The following PIR variants were observed in gnomAD, a reference collection of about 807,000 sequenced individuals.
The protein encoded by PIR is pirin.
A neutral mutation model predicts 24.2 loss-of-function variants in PIR; 22 were observed. The observed-to-expected ratio is 0.91, with a 90% CI of 0.65 to 1.30. The LOEUF (loss-of-function observed/expected upper bound fraction) is 1.30, where lower values mean the gene tolerates loss of function less well. PIR is among the 50% of genes most tolerant of loss of function. The pLI is 0.00. For missense variants in PIR, 220 were observed against 220.3 expected (o/e 1.00, Z 0.01); for synonymous variants, 80 against 79.6 (o/e 1.00, Z -0.03).
chrX:15,462,323 A>T (rs984782924), intron 3 of PIR, among the ~76,000 whole-genome samples: 1 of 112,417 alleles, frequency 8.9e-6, no homozygotes, highest in Non-Finnish European at 1.9e-5. Flanking sequence ...GTGTGTCAGG[A>T]CATGGGCTCT....
intron 6 of PIR, among the ~76,000 whole-genome samples, chrX:15,417,818 C>CT (rs1344510789): frequency 9.0e-6 from 1 of 111,647 alleles, no homozygotes; most frequent in African/African-American, 3.3e-5. Context: ...TTCTCTCACT[C>CT]TGACTCCCTG....
intron 7 of PIR, among the ~76,000 whole-genome samples, chrX:15,403,895 G>T (rs1178657111): frequency 9.0e-6 from 1 of 111,577 alleles, no homozygotes; most frequent in African/African-American, 3.3e-5. Context: ...TTTTTCTTCA[G>T]GGTGTCATTA....
chrX:15,415,776 TA>T (rs1426453261), intron 6 of PIR, among the ~76,000 whole-genome samples: 27 of 110,919 alleles, frequency 2.4e-4, no homozygotes, highest in African/African-American at 6.2e-4. Context: ...AAAAAACAAT[TA>T]AAAAAACCAT....
At chrX:15,472,843 C>A (rs1449255154) in intron 3 of PIR, among the ~76,000 whole-genome samples, 1 of 112,039 alleles carries the variant, frequency 8.9e-6, no homozygotes, top group Non-Finnish European at 1.9e-5. Context: ...CTTTAAACAC[C>A]ATCTTCTTTG....
chrX:15,459,207 A>G (rs1355184107), intron 4 of PIR, among the ~76,000 whole-genome samples: 1 of 111,724 alleles, frequency 9.0e-6, no homozygotes, highest in Non-Finnish European at 1.9e-5. Context: ...TAAATAATAC[A>G]TTGTCTCAAA....
chrX:15,440,915 T>C (rs1925894057), intron 5 of PIR, among the ~76,000 whole-genome samples: 3 of 111,865 alleles, frequency 2.7e-5, no homozygotes, highest in South Asian at 3.8e-4. Flanking sequence ...ACTGAGCAAG[T>C]ACATCAATTT....
chrX:15,446,352 T>A (rs1353724586), intron 5 of PIR, among the ~76,000 whole-genome samples: 2 of 111,097 alleles, frequency 1.8e-5, no homozygotes, highest in Non-Finnish European at 3.8e-5. Context: ...TCATGCTGTC[T>A]CCTTCTGCAC....
intron 5 of PIR, among the ~76,000 whole-genome samples, chrX:15,454,452 T>G (rs1433491690): frequency 9.8e-6 from 1 of 101,742 alleles, no homozygotes; most frequent in African/African-American, 3.6e-5. Flanking sequence ...AACAAAATCA[T>G]ATACCTAGGC....
chrX:15,440,215 G>T (rs1469261782), intron 5 of PIR, among the ~76,000 whole-genome samples: 1 of 111,619 alleles, frequency 9.0e-6, no homozygotes, highest in Non-Finnish European at 1.9e-5. Context: ...AGATATATGG[G>T]TGTCCTTGAA....
chrX:15,450,105 G>A (rs942482663), intron 5 of PIR, among the ~76,000 whole-genome samples: 12 of 112,092 alleles, frequency 1.1e-4, no homozygotes, highest in Non-Finnish European at 1.7e-4. Context: ...AAGACATACT[G>A]AGGGAAGTTT....
chrX:15,465,545 G>T (rs1569208395), intron 3 of PIR, among the ~76,000 whole-genome samples: 2 of 112,153 alleles, frequency 1.8e-5, no homozygotes, highest in Admixed American at 9.5e-5. Context: ...CTCAAGAGTT[G>T]CATGTGTCTA....
intron 3 of PIR, chrX:15,464,512 G>A (rs1921457385): frequency 1.8e-6 from 1 of 556,702 alleles, no homozygotes; most frequent in Non-Finnish European, 2.2e-6. Context: ...AAGGCAGTGA[G>A]ACACAAGGAG....
At chrX:15,422,356 C>A (rs1925162114) in intron 6 of PIR, among the ~76,000 whole-genome samples, 1 of 107,817 alleles carries the variant, frequency 9.3e-6, no homozygotes. Context: ...AAAGGGCATT[C>A]AAATAAGAAA....
chrX:15,386,025 A>G (rs1490334860), intron 9 of PIR, among the ~76,000 whole-genome samples: 1 of 111,577 alleles, frequency 9.0e-6, no homozygotes, highest in Non-Finnish European at 1.9e-5. Flanking sequence ...CACCCCCATG[A>G]TCTGCTAGAT....
At chrX:15,445,739 C>T (rs974868365) in intron 5 of PIR, among the ~76,000 whole-genome samples, 5 of 108,949 alleles carry the variant, frequency 4.6e-5, no homozygotes, top group African/African-American at 1.7e-4. Flanking sequence ...GTTTTGTTGG[C>T]TCAGGGAGGG....
At chrX:15,406,123 G>A (rs1199545994) in intron 7 of PIR, among the ~76,000 whole-genome samples, 1 of 111,962 alleles carries the variant, frequency 8.9e-6, no homozygotes, top group Admixed American at 9.5e-5. Flanking sequence ...CTGCAGGAGC[G>A]GGTGGAGAGC....
intron 6 of PIR, among the ~76,000 whole-genome samples, chrX:15,410,540 C>A (rs949422154): frequency 8.9e-6 from 1 of 112,015 alleles, no homozygotes; most frequent in East Asian, 2.8e-4. Context: ...TCTCCTCCAC[C>A]TGCTTTGCTT....
intron 7 of PIR, among the ~76,000 whole-genome samples, chrX:15,404,708 A>G (rs1282515253): frequency 8.9e-6 from 1 of 111,938 alleles, no homozygotes; most frequent in Non-Finnish European, 1.9e-5. Flanking sequence ...CTGTTTCGTC[A>G]TTTCTTTTTC....
chrX:15,457,084 G>A (rs1295086782), intron 4 of PIR, among the ~76,000 whole-genome samples: 1 of 112,203 alleles, frequency 8.9e-6, no homozygotes, highest in East Asian at 2.8e-4. Context: ...GCCAAAAAGA[G>A]TTGTTAATGA....
Sources: gnomAD v4.1 joint callset for allele counts (sites outside exome capture counted in the v4.1 genomes callset) on GRCh38, gnomAD v4.1.1 for gene constraint, MANE v1.5 for transcripts, NCBI Gene and HGNC (gene_info 2026-07-23, HGNC 2026-07-21) for gene names.